IQCJ: variants seen among roughly 807,000 people sequenced by gnomAD.
IQCJ encodes IQ motif containing J.
Under a neutral mutation model 11.0 loss-of-function variants are expected in IQCJ, and 9 were observed. The ratio of observed to expected loss-of-function variants is 0.82; its 90% CI spans 0.49 to 1.43. The LOEUF (loss-of-function observed/expected upper bound fraction) is 1.43, where lower values mean the gene tolerates loss of function less well. IQCJ is among the 40% of genes most tolerant of loss of function. The probability of loss-of-function intolerance (pLI) is 0.00; values close to 1 mark genes in which losing one functional copy is unlikely to be tolerated. For synonymous variants in IQCJ, 55 were observed against 51.3 expected (o/e 1.07, Z -0.31); for missense variants, 146 against 133.2 (o/e 1.10, Z -0.47).
At chr3:159,264,654 G>A (rs942072010), downstream of IQCJ, among the ~76,000 whole-genome samples, 3 of 152,170 alleles carry the variant, frequency 2.0e-5, no homozygotes, top group Non-Finnish European at 4.4e-5. Flanking sequence ...ATCAATGCCT[G>A]TAATCCCAGC....
intron 1 of IQCJ, among the ~76,000 whole-genome samples, chr3:159,227,771 A>G (rs1725945365): frequency 6.6e-6 from 1 of 152,262 alleles, no homozygotes; most frequent in Non-Finnish European, 1.5e-5. Flanking sequence ...TTTATCAAAA[A>G]AGGAATGCAT....
chr3:159,114,455 C>A (rs957425793), intron 1 of IQCJ, among the ~76,000 whole-genome samples: 17 of 151,952 alleles, frequency 1.1e-4, no homozygotes, highest in Admixed American at 1.3e-4. Flanking sequence ...GGACTACAGG[C>A]ATGCACCACC....
In IQCJ at chr3:159,140,810, C is replaced by A. The variant is rs571892038; in HGVS notation, c.9+71369C>A. Among the ~76,000 whole-genome samples the A allele has an allele frequency of 3.3e-5, 5 of 152,278 alleles. No individual in the cohort carries two copies. The South Asian group carries it at 8.3e-4, about 25-fold the overall frequency. Reference sequence around the variant, plus strand: ...AAGGCTGCCACAACAAATGAGCCCACCAAACTAGGCTGCTTAAAACTGCAG... The same window carrying A: ...AAGGCTGCCACAACAAATGAGCCCAACAAACTAGGCTGCTTAAAACTGCAG... On this transcript the variant is annotated intron_variant, in intron 1 of 3. Coordinates refer to ENST00000397832, the MANE Select transcript of IQCJ (RefSeq NM_001042706.3).
At chr3:159,074,716 A>G (rs1715801069) in intron 1 of IQCJ, among the ~76,000 whole-genome samples, 1 of 152,150 alleles carries the variant, frequency 6.6e-6, no homozygotes, top group South Asian at 2.1e-4. Flanking sequence ...AACAAAATTT[A>G]GGTTCTTTTT....
chr3:159,150,739 G>A (rs1163069568), intron 1 of IQCJ, among the ~76,000 whole-genome samples: 1 of 152,158 alleles, frequency 6.6e-6, no homozygotes, highest in Non-Finnish European at 1.5e-5. Context: ...TGTTGAAGTA[G>A]CAAGTGTAGA....
At chr3:159,216,242 A>C (rs1475230196) in intron 1 of IQCJ, among the ~76,000 whole-genome samples, 1 of 152,148 alleles carries the variant, frequency 6.6e-6, no homozygotes, top group African/African-American at 2.4e-5. Flanking sequence ...GTAGGTGAAT[A>C]GCAAATGAGA....
intron 1 of IQCJ, among the ~76,000 whole-genome samples, chr3:159,102,920 T>C (rs901007584): frequency 1.8e-4 from 27 of 152,352 alleles, no homozygotes; most frequent in African/African-American, 5.3e-4. Context: ...TCATCCTGTA[T>C]TGATCTAACT....
chr3:159,076,491 A>C (rs1261312988), intron 1 of IQCJ, among the ~76,000 whole-genome samples: 1 of 152,096 alleles, frequency 6.6e-6, no homozygotes, highest in East Asian at 1.9e-4. Flanking sequence ...TCTCATTCTG[A>C]AGTCTTGATT....
At chr3:159,152,198 G>C (rs1006665580) in intron 1 of IQCJ, among the ~76,000 whole-genome samples, 1 of 152,192 alleles carries the variant, frequency 6.6e-6, no homozygotes, top group Non-Finnish European at 1.5e-5. Context: ...CATGGTAGAA[G>C]CTAGTGAAGA....
At chr3:159,069,843 TTGTGTGTGTGTGTGTGTG>T (rs34425057) in intron 1 of IQCJ, 26 of 300,614 alleles carry the variant, frequency 8.6e-5, no homozygotes, top group Middle Eastern at 8.9e-4. Flanking sequence ...CCCTCCTTTC[TTGTGTGTGTGTGTGTGTG>T]TGTGTGTGTG....
intron 1 of IQCJ, among the ~76,000 whole-genome samples, chr3:159,109,758 A>G (rs1718509805): frequency 6.6e-6 from 1 of 152,048 alleles, no homozygotes; most frequent in Non-Finnish European, 1.5e-5. Flanking sequence ...TGGACTGCAA[A>G]AGGATTTTGT....
At chr3:159,240,250 AC>A (rs1726841785) in intron 1 of IQCJ, among the ~76,000 whole-genome samples, 1 of 152,180 alleles carries the variant, frequency 6.6e-6, no homozygotes, top group Non-Finnish European at 1.5e-5. Flanking sequence ...CTATATTTCT[AC>A]CTATTATAAT....
At chr3:159,081,463 C>T (rs1330779481) in intron 1 of IQCJ, among the ~76,000 whole-genome samples, 1 of 151,922 alleles carries the variant, frequency 6.6e-6, no homozygotes, top group South Asian at 2.1e-4. Flanking sequence ...ATACAGCATT[C>T]GAGAGATTTT....
chr3:159,250,984 C>T (rs1727564630), intron 2 of IQCJ, among the ~76,000 whole-genome samples: 1 of 152,204 alleles, frequency 6.6e-6, no homozygotes, highest in South Asian at 2.1e-4. Context: ...TTGCATCATT[C>T]CTGCCACACA....
At chr3:159,194,060 G>T (rs78523450) in intron 1 of IQCJ, among the ~76,000 whole-genome samples, 2,881 of 152,274 alleles carry the variant, frequency 0.019, 92 homozygotes, top group African/African-American at 0.066. Context: ...AATGGTCATA[G>T]GTCTTTTGGG....
intron 1 of IQCJ, among the ~76,000 whole-genome samples, chr3:159,082,164 GAGA>G (rs1716357634): frequency 6.6e-6 from 1 of 152,100 alleles, no homozygotes; most frequent in South Asian, 2.1e-4. Context: ...CAACCTGGTA[GAGA>G]AGAAGAATAA....
At chr3:159,091,673 T>C (rs6777281) in intron 1 of IQCJ, among the ~76,000 whole-genome samples, 2,576 of 10,938 alleles carry the variant, frequency 0.24, 158 homozygotes, top group African/African-American at 0.39. Context: ...CACACACGCA[T>C]GCACACACAC....
At chr3:159,167,415 C>T (rs1279211049) in intron 1 of IQCJ, among the ~76,000 whole-genome samples, 2 of 152,088 alleles carry the variant, frequency 1.3e-5, no homozygotes, top group African/African-American at 4.8e-5. Context: ...CATTGCAGCT[C>T]ATAATTTCTG....
At chr3:159,187,341 G>T (rs17727250) in intron 1 of IQCJ, among the ~76,000 whole-genome samples, 22,267 of 152,216 alleles carry the variant, frequency 0.15, 1,937 homozygotes, top group Admixed American at 0.21. Context: ...GCCCAGAACT[G>T]GAAGATAACT....
Sources: allele counts gnomAD v4.1 joint callset (sites outside exome capture counted in the v4.1 genomes callset), GRCh38; gene constraint gnomAD v4.1.1; transcripts MANE v1.5; gene names NCBI Gene and HGNC (gene_info 2026-07-23, HGNC 2026-07-21).